SPIDR: variants seen among roughly 807,000 people sequenced by gnomAD.
The protein encoded by SPIDR is scaffold protein involved in DNA repair.
SPIDR carries 93 observed loss-of-function variants against 104.6 expected under a neutral mutation model. That is an observed-to-expected ratio of 0.89 (90% CI 0.75 to 1.06). The LOEUF is 1.06. Ranked by LOEUF, SPIDR falls within the 50% of genes least tolerant of loss-of-function variation. The pLI is 0.00. For missense variants in SPIDR, 1,154 were observed against 1,111.2 expected (o/e 1.04, Z -0.55); for synonymous variants, 431 against 416.9 (o/e 1.03, Z -0.41).
chr8:47,553,691 A>G (rs1383275212), intron 8 of SPIDR, among the ~76,000 whole-genome samples: 1 of 152,154 alleles, frequency 6.6e-6, no homozygotes, highest in Non-Finnish European at 1.5e-5. Flanking sequence ...GGGTTCGAAC[A>G]TCCTCCTTTA....
intron 16 of SPIDR, 140 bp downstream of exon 16, chr8:47,713,781 A>C: frequency 4.3e-6 from 5 of 1,174,162 alleles, no homozygotes; most frequent in East Asian, 2.6e-5. Context: ...ACAAAAGCAG[A>C]AATTGTTCTT....
rs1219832781 is a variant in SPIDR, at chr8:47,565,649, CT to C, written c.1098-30155del. Among the ~76,000 whole-genome samples the C allele has an allele frequency of 3.3e-5, 5 of 151,422 alleles. No individual in the cohort carries two copies. In the South Asian group the frequency reaches 8.3e-4, roughly 25 times the overall value. ...TTTATAGTCTTTACTCATTTGTATTCTTTTTTTATTGTTGCAATTAAATTAG... is the reference window on the plus strand; with the variant it reads ...TTTATAGTCTTTACTCATTTGTATTCTTTTTTATTGTTGCAATTAAATTAG... On this transcript the variant is annotated intron_variant, in intron 8 of 19. Transcript: ENST00000297423.
At chr8:47,729,163 G>C in intron 18 of SPIDR, 116 bp downstream of exon 18, 1 of 1,533,720 alleles carries the variant, frequency 6.5e-7, no homozygotes, top group Non-Finnish European at 8.7e-7. Flanking sequence ...GCTGGGACTC[G>C]GCTGGGATGG....
intron 10 of SPIDR, among the ~76,000 whole-genome samples, chr8:47,646,491 T>C (rs574736713): frequency 3.6e-4 from 55 of 152,338 alleles, no homozygotes; most frequent in African/African-American, 1.3e-3. Context: ...TTCTTTGTGA[T>C]AGCAAGTGGA....
intron 5 of SPIDR, among the ~76,000 whole-genome samples, chr8:47,363,599 G>C (rs1393597216): frequency 6.6e-6 from 1 of 151,988 alleles, no homozygotes; most frequent in Non-Finnish European, 1.5e-5. Flanking sequence ...GATCTCTGGG[G>C]AGGAAGCTTG....
At chr8:47,357,486 AGGG>A (rs2054788216) in intron 5 of SPIDR, among the ~76,000 whole-genome samples, 3 of 152,324 alleles carry the variant, frequency 2.0e-5, no homozygotes, top group South Asian at 2.1e-4. Context: ...GATGGAGTGG[AGGG>A]GCTTAGATGG....
intron 8 of SPIDR, among the ~76,000 whole-genome samples, chr8:47,472,890 A>G (rs1274723835): frequency 6.6e-6 from 1 of 152,234 alleles, no homozygotes; most frequent in Admixed American, 6.5e-5. Context: ...TTTATTCTTT[A>G]TCACAAAGGT....
intron 3 of SPIDR, among the ~76,000 whole-genome samples, chr8:47,284,429 C>G (rs2038412886): frequency 6.6e-6 from 1 of 151,930 alleles, no homozygotes; most frequent in African/African-American, 2.4e-5. Flanking sequence ...TGTTTTTAAT[C>G]TGATTTGGGA....
rs544689510 is a variant in SPIDR, at chr8:47,485,245, C to G, written c.1097+44703C>G. Among the ~76,000 whole-genome samples the G allele has an allele frequency of 5.3e-5, 8 of 152,340 alleles. No individual in the cohort carries two copies. The South Asian group carries it at 1.7e-3, about 32-fold the overall frequency. ...GGTCCCACGCGCACGGAGCCTCGCT[C>G]ATTGCTAATACAGCTAGTACAGTCT... On this transcript the variant is annotated intron_variant, in intron 8 of 19. Transcript: ENST00000297423.
Position 47,702,019 on chromosome 8 carries a change from A to C in SPIDR, c.1977+4A>C, listed in dbSNP as rs756012729. 1 of 1,607,618 alleles carries C rather than the reference A, an allele frequency of 6.2e-7. No homozygotes were observed. ...GGTGATTTACCAAAAACCACAGGTA[A>C]TAATCTCTCTCAATCTCTCAATCTC... On this transcript the variant is annotated splice_donor_region_variant and intron_variant, in intron 14 of 19. Coordinates refer to ENST00000297423, the MANE Select transcript of SPIDR (RefSeq NM_001080394.4).
intron 5 of SPIDR, among the ~76,000 whole-genome samples, chr8:47,393,413 ATTCAAAT>A (rs1254519182): frequency 6.6e-6 from 1 of 152,116 alleles, no homozygotes; most frequent in East Asian, 1.9e-4. Flanking sequence ...CTGTATCACC[ATTCAAAT>A]GTTGTTCGAA....
At chr8:47,416,654 G>T (rs1255087854) in intron 7 of SPIDR, among the ~76,000 whole-genome samples, 1 of 151,958 alleles carries the variant, frequency 6.6e-6, no homozygotes, top group African/African-American at 2.4e-5. Context: ...AAGTTTTAGG[G>T]TACATGTGCA....
chr8:47,334,790 T>C lies in SPIDR; in HGVS notation c.525+40760T>C, dbSNP rs374101784. Among the ~76,000 whole-genome samples the C allele has an allele frequency of 3.8e-3, 575 of 152,328 alleles. 3 individuals carry two copies. The highest frequency in any genetic ancestry group is 0.022 in the South Asian group (108 of 4,832). Reference sequence around the variant, plus strand: ...ATTGGATTAATATCTACCATATTTGTTACTGGTTTCTATTTGTTGTTCTTG... The same window carrying C: ...ATTGGATTAATATCTACCATATTTGCTACTGGTTTCTATTTGTTGTTCTTG... On this transcript the variant is annotated intron_variant, in intron 5 of 19. Coordinates refer to ENST00000297423, the MANE Select transcript of SPIDR (RefSeq NM_001080394.4).
intron 11 of SPIDR, among the ~76,000 whole-genome samples, chr8:47,691,896 C>T (rs1159725806): frequency 2.0e-5 from 3 of 152,244 alleles, no homozygotes; most frequent in Non-Finnish European, 4.4e-5. Context: ...GCTCCCAACC[C>T]TGTGCTGCTC....
chr8:47,673,698 C>T (rs2076072538), intron 10 of SPIDR, 103 bp from the exon 11 acceptor site: 2 of 1,445,140 alleles, frequency 1.4e-6, no homozygotes, highest in Middle Eastern at 2.0e-4. Context: ...ATTGACCAGT[C>T]ACAGCAGTAT....
At chr8:47,442,444 T>G (rs1436295665) in intron 8 of SPIDR, among the ~76,000 whole-genome samples, 6 of 152,222 alleles carry the variant, frequency 3.9e-5, no homozygotes, top group African/African-American at 1.4e-4. Flanking sequence ...GATAGGTTTT[T>G]TAGGGTAGGT....
At chr8:47,471,558 G>C (rs1008335963) in intron 8 of SPIDR, among the ~76,000 whole-genome samples, 5 of 152,148 alleles carry the variant, frequency 3.3e-5, no homozygotes, top group Admixed American at 6.5e-5. Context: ...TTGCACTTCT[G>C]CTGGAAATAT....
chr8:47,556,113 G>A (rs1054076272), intron 8 of SPIDR, among the ~76,000 whole-genome samples: 7 of 152,164 alleles, frequency 4.6e-5, no homozygotes, highest in East Asian at 3.9e-4. Context: ...AGCCAGGGAC[G>A]ATTTTCCATC....
intron 5 of SPIDR, among the ~76,000 whole-genome samples, chr8:47,314,867 ACAAGACTTCC>A (rs1199947958): frequency 6.6e-6 from 1 of 152,236 alleles, no homozygotes; most frequent in Non-Finnish European, 1.5e-5. Flanking sequence ...TGGATAGAAA[ACAAGACTTCC>A]TGTATTCTGT....
Sources: gnomAD v4.1 joint callset for allele counts (sites outside exome capture counted in the v4.1 genomes callset) on GRCh38, gnomAD v4.1.1 for gene constraint, MANE v1.5 for transcripts, NCBI Gene and HGNC (gene_info 2026-07-23, HGNC 2026-07-21) for gene names.